Variants in ABCA9 observed in about 807,000 individuals in gnomAD.
ABCA9 encodes ATP-binding cassette sub-family A member 9.
ABCA9 carries 183 observed loss-of-function variants against 205.3 expected under a neutral mutation model. The ratio of observed to expected loss-of-function variants is 0.89; its 90% CI spans 0.79 to 1.01. ABCA9 has a LOEUF of 1.01. Among genes scored for constraint, ABCA9 ranks in the 50% least tolerant of loss-of-function variants. The probability of loss-of-function intolerance (pLI) is 0.00; values close to 1 mark genes in which losing one functional copy is unlikely to be tolerated. For synonymous variants in ABCA9, 651 were observed against 683.3 expected, an observed-to-expected ratio of 0.95 and a Z score of 0.74; for missense variants, 1,805 against 1,912.4, an observed-to-expected ratio of 0.94 and a Z score of 1.05.
chr17:68,975,656 T>A lies in ABCA9; in HGVS notation c.*259A>T, dbSNP rs1029713196. On this transcript the variant is annotated 3_prime_UTR_variant, in exon 39 of 39. Transcript: ENST00000340001. ...TGTAGACAATTCTATAATAAATGCATTTTTAAACTTAACACAGTAGGAAAC... is the reference window on the plus strand; with the variant it reads ...TGTAGACAATTCTATAATAAATGCAATTTTAAACTTAACACAGTAGGAAAC... 1.3e-5 allele frequency: 4 copies of A among 309,148 alleles called. No individual in the cohort carries two copies. In the Admixed American group the frequency reaches 1.8e-4, roughly 14 times the overall value. 19.2% of individuals were successfully genotyped at this position (309,148 alleles called of 1,614,324 possible). A position where few individuals can be genotyped will look rare whatever the true frequency, so the allele number is the denominator to read the frequency against.
chr17:68,995,404 C>T (rs1277683185), intron 26 of ABCA9, among the ~76,000 whole-genome samples: 1 of 152,088 alleles, frequency 6.6e-6, no homozygotes, highest in Non-Finnish European at 1.5e-5. Context: ...TGTCATTGGC[C>T]TTCTTTTTAT....
chr17:69,074,647 A>T, the ABCA9 span, among the ~76,000 whole-genome samples: 1 of 152,026 alleles, frequency 6.6e-6, no homozygotes, highest in East Asian at 1.9e-4. Context: ...CCTTTATCCA[A>T]TCCACCACTG....
At chr17:68,985,176 A>G (rs1345383219) in intron 32 of ABCA9, 48 bp from the exon 33 acceptor site, 6 of 1,613,060 alleles carry the variant, frequency 3.7e-6, no homozygotes, top group East Asian at 2.2e-5. Context: ...TGGCGAATGT[A>G]CATGGGAGAA....
the ABCA9 span, among the ~76,000 whole-genome samples, chr17:69,072,393 A>G: frequency 6.6e-6 from 1 of 152,230 alleles, no homozygotes; most frequent in Non-Finnish European, 1.5e-5. Flanking sequence ...CTAACAGTGG[A>G]TCTCTTGGCA....
At chr17:69,028,491 A>G (rs376482780) in intron 12 of ABCA9, 44 bp downstream of exon 12, 12 of 1,344,376 alleles carry the variant, frequency 8.9e-6, no homozygotes, top group African/African-American at 1.5e-5. Context: ...ATGCATATTA[A>G]TGTGTTTGTC....
At chr17:69,052,437 A>T (rs2071937334) in intron 1 of ABCA9, among the ~76,000 whole-genome samples, 1 of 152,126 alleles carries the variant, frequency 6.6e-6, no homozygotes, top group Admixed American at 6.6e-5. Flanking sequence ...CAGTATAAGG[A>T]GAGAAAGTAT....
intron 3 of ABCA9, among the ~76,000 whole-genome samples, 199 bp downstream of exon 3, chr17:69,049,084 C>T (rs2071813903): frequency 6.6e-6 from 1 of 152,072 alleles, no homozygotes. Flanking sequence ...ATGAAGATAA[C>T]CCTTTTAATA....
intron 1 of ABCA9, chr17:69,051,441 G>A (rs2071898652): frequency 3.4e-6 from 1 of 296,774 alleles, no homozygotes; most frequent in African/African-American, 2.2e-5. Flanking sequence ...ATTGTCTAAT[G>A]GGGAGAAAGG....
rs376048173 is a variant in ABCA9, at chr17:69,007,856, C to T, written c.3338G>A (p.Gly1113Asp). 7.3e-5 allele frequency: 117 copies of T among 1,600,370 alleles called. No individual in the cohort carries two copies. Among genetic ancestry groups the T allele is most frequent in the Non-Finnish European group, 9.4e-5 (110 of 1,168,648 alleles). Residue 1113 changes from glycine to aspartate, a missense_variant, in exon 25 of 39, where the codon GGC becomes GAC. Physicochemically the swap from Gly to Asp is moderately conservative, Grantham distance 94. Transcript: ENST00000340001. ...CAAGAAAACAAGAGATGAGACATAG[C>T]CAATACTACACAGGATCTGAAAACA... is the stretch of plus-strand genomic sequence containing the variant. ...NLLIQILCSI[G>D]YVSSLVFLTY...
chr17:69,005,918 TC>T (rs2070109768), intron 25 of ABCA9, among the ~76,000 whole-genome samples: 1 of 152,222 alleles, frequency 6.6e-6, no homozygotes, highest in South Asian at 2.1e-4. Flanking sequence ...CATATTTCTT[TC>T]CTTATTTAAG....
intron 30 of ABCA9, among the ~76,000 whole-genome samples, chr17:68,989,391 C>A (rs997372725): frequency 1.3e-5 from 2 of 151,934 alleles, no homozygotes; most frequent in Non-Finnish European, 2.9e-5. Context: ...CAGTAAGAGG[C>A]TGAGCTGGAA....
intron 22 of ABCA9, among the ~76,000 whole-genome samples, chr17:69,012,545 T>C (rs1800079176): frequency 6.6e-6 from 1 of 152,002 alleles, no homozygotes; most frequent in African/African-American, 2.4e-5. Context: ...CCTGTACATA[T>C]TAAAGAGGAT....
chr17:69,071,432 A>C, the ABCA9 span, among the ~76,000 whole-genome samples: 1 of 152,186 alleles, frequency 6.6e-6, no homozygotes, highest in Non-Finnish European at 1.5e-5. Flanking sequence ...AGCCTCCGCC[A>C]GTGAGACCCA....
the ABCA9 span, chr17:69,078,938 T>C: frequency 7.5e-7 from 1 of 1,330,432 alleles, no homozygotes; most frequent in East Asian, 2.3e-5. Context: ...CATGAGTTTA[T>C]AGGAGATCAA....
intron 37 of ABCA9, among the ~76,000 whole-genome samples, chr17:68,980,144 CAAAA>C (rs1196634339): frequency 2.0e-5 from 3 of 152,120 alleles, no homozygotes; most frequent in African/African-American, 7.2e-5. Flanking sequence ...AGACACTTCT[CAAAA>C]GAAGACATTT....
In ABCA9 at chr17:68,989,803, T is replaced by C; in HGVS notation, c.3955+10A>G. ...AAGATTGCTCTACTAATGGAACTACTGTTTCCAACCTTTTTTAACACAAAA... is the reference window on the plus strand; with the variant it reads ...AAGATTGCTCTACTAATGGAACTACCGTTTCCAACCTTTTTTAACACAAAA... On this transcript the variant is annotated intron_variant, in intron 30 of 38. Coordinates refer to ENST00000340001, the MANE Select transcript of ABCA9 (RefSeq NM_080283.4). 3 of 1,494,714 alleles carry C rather than the reference T, an allele frequency of 2.0e-6. No individual in the cohort carries two copies. Among genetic ancestry groups the C allele is most frequent in the Non-Finnish European group, 2.8e-6 (3 of 1,073,850 alleles). 92.6% of individuals were successfully genotyped at this position (1,494,714 alleles called of 1,614,324 possible). A position where few individuals can be genotyped will look rare whatever the true frequency, so the allele number is the denominator to read the frequency against.
chr17:69,009,768 C>T (rs976442533), intron 23 of ABCA9, among the ~76,000 whole-genome samples: 3 of 151,964 alleles, frequency 2.0e-5, no homozygotes, highest in African/African-American at 7.3e-5. Flanking sequence ...GGAAAACTTT[C>T]TAGAAAGATT....
In ABCA9 at chr17:69,045,232, G is replaced by C. The variant is rs755963773; in HGVS notation, c.409C>G (p.His137Asp). 2.5e-6 allele frequency: 4 copies of C among 1,612,904 alleles called. No individual in the cohort carries two copies. The highest frequency in any genetic ancestry group is 3.4e-6 in the Non-Finnish European group (4 of 1,179,484). The change falls in exon 4 of 39, where the codon CAT becomes GAT. Residue 137 changes from histidine (H) to aspartate (D), a missense_variant. His to Asp is a moderately conservative substitution (Grantham distance 81). Transcript: ENST00000340001. ...CTATGTCCCCAAGAAAACTTCAAATGGTAGGAGAAGGTATCAGTAAAGATG... is the reference window on the plus strand; with the variant it reads ...CTATGTCCCCAAGAAAACTTCAAATCGTAGGAGAAGGTATCAGTAAAGATG... ...RVIFTDTFSY[H>D]LKFSWGHRIP...
intron 25 of ABCA9, among the ~76,000 whole-genome samples, chr17:69,003,288 C>A (rs2069961539): frequency 6.6e-6 from 1 of 151,970 alleles, no homozygotes; most frequent in South Asian, 2.1e-4. Context: ...GCACTTCCTT[C>A]AGGAGCTCTT....
Sources: allele counts gnomAD v4.1 joint callset (sites outside exome capture counted in the v4.1 genomes callset), GRCh38; gene constraint gnomAD v4.1.1; transcripts MANE v1.5; gene names NCBI Gene and HGNC (gene_info 2026-07-23, HGNC 2026-07-21).